The following LRRIQ4 variants were observed in gnomAD, a reference collection of about 807,000 sequenced individuals.
LRRIQ4 encodes the protein leucine-rich repeat and IQ domain-containing protein 4.
LRRIQ4 carries 21 observed loss-of-function variants against 40.1 expected under a neutral mutation model. That is an observed-to-expected ratio of 0.52 (90% CI 0.37 to 0.75). The LOEUF (loss-of-function observed/expected upper bound fraction) is 0.75, where lower values mean the gene tolerates loss of function less well. Ranked by LOEUF, LRRIQ4 falls within the 30% of genes least tolerant of loss-of-function variation. The probability of loss-of-function intolerance (pLI) is 0.00; values close to 1 mark genes in which losing one functional copy is unlikely to be tolerated. For synonymous variants in LRRIQ4, 277 were observed against 277.1 expected (o/e 1.00, Z 0.00); for missense variants, 655 against 660.0 (o/e 0.99, Z 0.08).
At chr3:169,830,696 C>T in intron 4 of LRRIQ4, 66 bp downstream of exon 4, 2 of 1,579,486 alleles carry the variant, frequency 1.3e-6, no homozygotes, top group Non-Finnish European at 1.7e-6. Context: ...TGGCAAATGG[C>T]TTCCTTGCTT....
At chr3:169,827,500 G>A (rs1283729535) in intron 2 of LRRIQ4, among the ~76,000 whole-genome samples, 1 of 151,344 alleles carries the variant, frequency 6.6e-6, no homozygotes, top group Non-Finnish European at 1.5e-5. Flanking sequence ...CCAGCTACTC[G>A]GGAGGCTGAG....
chr3:169,824,399 T>C (rs1036921046), intron 2 of LRRIQ4, among the ~76,000 whole-genome samples: 2 of 152,188 alleles, frequency 1.3e-5, no homozygotes, highest in African/African-American at 4.8e-5. Flanking sequence ...CTGAACTTAA[T>C]TGCAGTATTT....
intron 5 of LRRIQ4, among the ~76,000 whole-genome samples, chr3:169,834,511 G>A (rs544295998): frequency 6.6e-5 from 10 of 152,192 alleles, no homozygotes; most frequent in African/African-American, 2.4e-4. Context: ...AACATTGTTG[G>A]CCACAAGTTT....
chr3:169,822,701 G>A lies in LRRIQ4; in HGVS notation c.780G>A (p.Thr260=), dbSNP rs754747117. 6.8e-6 allele frequency: 11 copies of A among 1,613,840 alleles called. No individual in the cohort carries two copies. Among genetic ancestry groups the A allele is most frequent in the Admixed American group, 5.0e-5 (3 of 60,016 alleles). The change falls in exon 2 of 6, where the codon ACG becomes ACA. Residue 260 remains threonine (T), a synonymous_variant. Transcript: ENST00000340806. ...GCTTCGCCGAGCTCAGGAAGATGACGGAAATCGGGCTGAGCGGGAACCGCC... is the reference window on the plus strand; with the variant it reads ...GCTTCGCCGAGCTCAGGAAGATGACAGAAATCGGGCTGAGCGGGAACCGCC... The part of the protein sequence containing the change: ...PKSFAELRKM[T]EIGLSGNRLE...
At position 169,822,290 on chromosome 3, in the gene LRRIQ4, C is replaced by G; in HGVS notation, c.369C>G (p.Leu123=). 6.2e-7 allele frequency: 1 copy of G among 1,613,494 alleles called. No individual in the cohort carries two copies. The highest frequency in any genetic ancestry group is 1.1e-5 in the South Asian group (1 of 91,010). ...VVSFLHALRE[L]RLYQTDLKEI... ...GCTTCCTCCACGCCCTGCGCGAGCTCCGGCTCTACCAGACCGACCTGAAGG... is the reference window on the plus strand; with the variant it reads ...GCTTCCTCCACGCCCTGCGCGAGCTGCGGCTCTACCAGACCGACCTGAAGG... Residue 123 remains leucine, a synonymous_variant, in exon 2 of 6, where the codon CTC becomes CTG. Transcript: ENST00000340806.
In LRRIQ4 at chr3:169,822,119, G is replaced by A. The variant is rs753804923; in HGVS notation, c.198G>A (p.Glu66=). 6.2e-7 allele frequency: 1 copy of A among 1,612,332 alleles called. No homozygotes were observed. The highest frequency in any genetic ancestry group is 8.5e-7 in the Non-Finnish European group (1 of 1,179,530). ...ENNQIEEIPQ[E]IQRLKNIRVL... ...ACCAGATTGAAGAAATTCCCCAGGA[G>A]ATTCAGCGTTTAAAGAACATCAGGG... Residue 66 remains glutamate, a synonymous_variant, in exon 2 of 6, where the codon GAG becomes GAA. Coordinates refer to ENST00000340806, the MANE Select transcript of LRRIQ4 (RefSeq NM_001080460.3).
At chr3:169,831,824 G>A (rs2108184131) in intron 4 of LRRIQ4, among the ~76,000 whole-genome samples, 1 of 151,628 alleles carries the variant, frequency 6.6e-6, no homozygotes, top group East Asian at 2.0e-4. Flanking sequence ...AAAATTAGCT[G>A]AGTGTGATGG....
Position 169,822,128 on chromosome 3 carries a change from T to G in LRRIQ4, c.207T>G (p.Arg69=), listed in dbSNP as rs1779908078. The G allele has an allele frequency of 6.2e-7, 1 of 1,612,668 alleles. No individual in the cohort carries two copies. Among genetic ancestry groups the G allele is most frequent in the African/African-American group, 1.3e-5 (1 of 74,802 alleles). The change falls in exon 2 of 6, where the codon CGT becomes CGG. Residue 69 remains arginine (R), a synonymous_variant. Coordinates refer to ENST00000340806, the MANE Select transcript of LRRIQ4 (RefSeq NM_001080460.3). ...AAGAAATTCCCCAGGAGATTCAGCG[T>G]TTAAAGAACATCAGGGTCCTCTACC... ...QIEEIPQEIQ[R]LKNIRVLYLD... is the part of the protein sequence containing the mutation.
intron 1 of LRRIQ4, among the ~76,000 whole-genome samples, chr3:169,816,714 A>AGGAT (rs1275570426): frequency 1.4e-5 from 2 of 145,330 alleles, no homozygotes; most frequent in African/African-American, 5.2e-5. Context: ...TCTGTTGCCC[A>AGGAT]GGATGGAGTA....
At chr3:169,823,961 A>T (rs543493821) in intron 2 of LRRIQ4, among the ~76,000 whole-genome samples, 1 of 152,136 alleles carries the variant, frequency 6.6e-6, no homozygotes, top group East Asian at 1.9e-4. Context: ...GCCAATATGG[A>T]TAGATCTCAG....
At chr3:169,816,186 G>T (rs994174870) in intron 1 of LRRIQ4, among the ~76,000 whole-genome samples, 1 of 152,168 alleles carries the variant, frequency 6.6e-6, no homozygotes, top group East Asian at 1.9e-4. Flanking sequence ...AACGAATTTG[G>T]AAGTAGTTTT....
rs751611532 is a variant in LRRIQ4 at position 169,832,979 on chromosome 3, C to A, written c.1334-8C>A. On this transcript the variant is annotated splice_polypyrimidine_tract_variant and splice_region_variant and intron_variant, in intron 4 of 5. Coordinates refer to ENST00000340806, the MANE Select transcript of LRRIQ4 (RefSeq NM_001080460.3). ...GATTGAACCACCATTACGAAAAAAT[C>A]TTTTCAGCTTTGAAAGAATTACGGC... 1.0e-5 allele frequency: 16 copies of A among 1,607,298 alleles called. No individual in the cohort carries two copies. The highest frequency in any genetic ancestry group is 2.2e-5 in the South Asian group (2 of 89,754).
rs139451670 is a variant in LRRIQ4 at position 169,822,792 on chromosome 3, G to A, written c.871G>A (p.Gly291Ser). 17 of 1,613,598 alleles carry A rather than the reference G, an allele frequency of 1.1e-5. No individual in the cohort carries two copies. Among genetic ancestry groups the A allele is most frequent in the Middle Eastern group, 3.3e-4 (2 of 6,082 alleles). The change falls in exon 2 of 6, where the codon GGC becomes AGC. Residue 291 changes from glycine to serine, a missense_variant. Coordinates refer to ENST00000340806, the MANE Select transcript of LRRIQ4 (RefSeq NM_001080460.3). ...SLHLLYLGNT[G>S]LHRLRGSFRC... Reference sequence around the variant, plus strand: ...GCACCTGCTCTACCTGGGAAACACCGGCCTGCACAGGCTGCGGGGCTCCTT... The same window carrying A: ...GCACCTGCTCTACCTGGGAAACACCAGCCTGCACAGGCTGCGGGGCTCCTT...
chr3:169,822,725 C>T lies in LRRIQ4; in HGVS notation c.804C>T (p.Arg268=), dbSNP rs1224110208. 1 of 1,613,932 alleles carries T rather than the reference C, an allele frequency of 6.2e-7. No homozygotes were observed. The highest frequency in any genetic ancestry group is 2.2e-5 in the East Asian group (1 of 44,886). Residue 268 remains arginine (R), a synonymous_variant, in exon 2 of 6, where the codon CGC becomes CGT. Coordinates refer to ENST00000340806, the MANE Select transcript of LRRIQ4 (RefSeq NM_001080460.3). ...CGGAAATCGGGCTGAGCGGGAACCG[C>T]CTGGAGAAGGTGCCACGCCTCATTT... ...KMTEIGLSGN[R]LEKVPRLICR...
chr3:169,834,721 G>A (rs1432878651), intron 5 of LRRIQ4, among the ~76,000 whole-genome samples: 2 of 152,042 alleles, frequency 1.3e-5, no homozygotes, highest in African/African-American at 4.8e-5. Context: ...TCTTAAACAT[G>A]TACTTCCATT....
Position 169,822,943 on chromosome 3 carries a change from T to C in LRRIQ4, c.1020+2T>C. 1.3e-6 allele frequency: 2 copies of C among 1,514,298 alleles called. No individual in the cohort carries two copies. The highest frequency in any genetic ancestry group is 1.8e-6 in the Non-Finnish European group (2 of 1,132,302). The allele number at this position is 1,514,298 out of a possible 1,614,324, so 93.8% of individuals were successfully genotyped here. ...CTGGATGACAATAAAATAGGACAGG[T>C]ACGGATTCCTTTTCTGGCTGTCACT... On this transcript the variant is annotated splice_donor_variant, in intron 2 of 5. Transcript: ENST00000340806. LOFTEE classifies it high-confidence loss of function.
Position 169,822,611 on chromosome 3 carries a change from G to C in LRRIQ4, c.690G>C (p.Leu230Phe). The C allele has an allele frequency of 6.2e-7, 1 of 1,613,964 alleles. No individual in the cohort carries two copies. Among genetic ancestry groups the C allele is most frequent in the Non-Finnish European group, 8.5e-7 (1 of 1,179,894 alleles). Reference protein sequence around the residue: ...SNNLPVLPASLCQCSQLSVLD... With the variant: ...SNNLPVLPASFCQCSQLSVLD... ...ACCTTCCCGTTCTGCCCGCGTCCTT[G>C]TGCCAGTGTAGCCAACTGTCGGTGC... is the stretch of plus-strand genomic sequence containing the variant. Residue 230 changes from leucine to phenylalanine, a missense_variant, in exon 2 of 6, where the codon TTG (leucine) becomes TTC (phenylalanine). Leu to Phe is a conservative substitution (Grantham distance 22). Transcript: ENST00000340806.
Position 169,827,593 on chromosome 3 carries a change from C to G in LRRIQ4, c.1021-1166C>G, listed in dbSNP as rs959361092. 4.9e-4 allele frequency among the ~76,000 whole-genome samples: 57 copies of G among 117,376 alleles called. 1 individual carries two copies. Among genetic ancestry groups the G allele is most frequent in the African/African-American group, 1.8e-3 (51 of 28,078 alleles). The allele number at this position is 117,376 out of a possible 152,430, so 77.0% of individuals were successfully genotyped here. A position where few individuals can be genotyped will look rare whatever the true frequency, so the allele number is the denominator to read the frequency against. On this transcript the variant is annotated intron_variant, in intron 2 of 5. Transcript: ENST00000340806. ...CTGCACTCCAGCCTGGGCGGCAGAG[C>G]GAGACTCCGTCTCAAAAAAAAAAAA...
intron 5 of LRRIQ4, 28 bp downstream of exon 5, chr3:169,833,211 A>G (rs780848792): frequency 6.3e-7 from 1 of 1,583,482 alleles, no homozygotes; most frequent in East Asian, 2.3e-5. Context: ...TCTTGATAAC[A>G]GTTGCTTTAG....
Sources: allele counts gnomAD v4.1 joint callset (sites outside exome capture counted in the v4.1 genomes callset), GRCh38; gene constraint gnomAD v4.1.1; transcripts MANE v1.5; gene names NCBI Gene and HGNC (gene_info 2026-07-23, HGNC 2026-07-21).